DTNA: variants seen among roughly 807,000 people sequenced by gnomAD.
DTNA encodes dystrophin-related protein 3.
In DTNA, 43 loss-of-function variants were observed where a neutral mutation model predicts 100.7. That is an observed-to-expected ratio of 0.43 (90% confidence interval 0.33 to 0.55). The LOEUF is 0.55. Among genes scored for constraint, DTNA ranks in the 20% least tolerant of loss-of-function variants. The probability of loss-of-function intolerance (pLI) is 0.04; values close to 1 mark genes in which losing one functional copy is unlikely to be tolerated. For synonymous variants in DTNA, 349 were observed against 347.9 expected, an observed-to-expected ratio of 1.00 and a Z score of -0.04; for missense variants, 798 against 953.9, an observed-to-expected ratio of 0.84 and a Z score of 2.15.
chr18:34,596,422 T>G (rs1242693133), intron 1 of DTNA, among the ~76,000 whole-genome samples: 1 of 152,132 alleles, frequency 6.6e-6, no homozygotes, highest in African/African-American at 2.4e-5. Flanking sequence ...TTTCAACATG[T>G]TGGCCAGGCT....
intron 1 of DTNA, among the ~76,000 whole-genome samples, chr18:34,586,563 C>A (rs1031185153): frequency 6.6e-6 from 1 of 152,106 alleles, no homozygotes; most frequent in Non-Finnish European, 1.5e-5. Flanking sequence ...AGACTCCATC[C>A]AGTTTGGCTA....
chr18:34,842,358 A>G (rs567754525), intron 13 of DTNA, among the ~76,000 whole-genome samples: 1 of 152,198 alleles, frequency 6.6e-6, no homozygotes, highest in African/African-American at 2.4e-5. Flanking sequence ...ACAATATTTT[A>G]TGCTTTGGGA....
chr18:34,879,882 G>A (rs572180391), intron 20 of DTNA, among the ~76,000 whole-genome samples, 163 bp downstream of exon 20: 15 of 152,020 alleles, frequency 9.9e-5, no homozygotes, highest in Non-Finnish European at 2.1e-4. Context: ...ATTTAAATTC[G>A]GCATTGTAAT....
intron 1 of DTNA, among the ~76,000 whole-genome samples, chr18:34,700,696 G>A (rs909834612): frequency 6.6e-6 from 1 of 152,130 alleles, no homozygotes; most frequent in Non-Finnish European, 1.5e-5. Flanking sequence ...AGCACTTCAG[G>A]TGTGCTTGCA....
At chr18:34,615,901 C>G (rs2055179143) in intron 1 of DTNA, among the ~76,000 whole-genome samples, 1 of 152,200 alleles carries the variant, frequency 6.6e-6, no homozygotes, top group African/African-American at 2.4e-5. Flanking sequence ...ATCCATGTTG[C>G]TGCTGAAGGC....
At chr18:34,787,050 G>A (rs926366515) in intron 3 of DTNA, among the ~76,000 whole-genome samples, 2 of 152,120 alleles carry the variant, frequency 1.3e-5, no homozygotes, top group Non-Finnish European at 2.9e-5. Context: ...CCTAAGAGAT[G>A]CAGCATTTCT....
intron 1 of DTNA, among the ~76,000 whole-genome samples, chr18:34,612,374 T>C (rs2054396169): frequency 6.6e-6 from 1 of 152,164 alleles, no homozygotes; most frequent in African/African-American, 2.4e-5. Context: ...CAGTGGGCGA[T>C]GGTGGCCAAG....
At chr18:34,518,849 A>G (rs1442574804) in intron 1 of DTNA, among the ~76,000 whole-genome samples, 1 of 151,910 alleles carries the variant, frequency 6.6e-6, no homozygotes, top group East Asian at 1.9e-4. Flanking sequence ...ACATATAGCA[A>G]TATTTTCAAA....
At chr18:34,581,621 G>GTTTT (rs760995588) in intron 1 of DTNA, among the ~76,000 whole-genome samples, 12 of 110,354 alleles carry the variant, frequency 1.1e-4, no homozygotes, top group African/African-American at 1.9e-4. Flanking sequence ...CCCCTAGTTA[G>GTTTT]TTTTTTTTTT....
At chr18:34,621,458 A>G (rs1035216727) in intron 1 of DTNA, among the ~76,000 whole-genome samples, 1 of 152,168 alleles carries the variant, frequency 6.6e-6, no homozygotes, top group African/African-American at 2.4e-5. Flanking sequence ...ATGAATGGAT[A>G]AATGTGGTAG....
intron 1 of DTNA, among the ~76,000 whole-genome samples, chr18:34,518,703 A>ATG (rs2041890379): frequency 4.4e-5 from 3 of 67,494 alleles, no homozygotes; most frequent in East Asian, 5.5e-4. Flanking sequence ...AATTTGGCAA[A>ATG]CGTGTGTGTG....
At chr18:34,883,132 CTTGT>C (rs1362667987) in intron 21 of DTNA, among the ~76,000 whole-genome samples, 1 of 152,134 alleles carries the variant, frequency 6.6e-6, no homozygotes, top group East Asian at 1.9e-4. Context: ...GTTCTACTAC[CTTGT>C]TTGTCTTCCT....
chr18:34,526,746 G>A (rs1290651972), intron 1 of DTNA, among the ~76,000 whole-genome samples: 1 of 152,070 alleles, frequency 6.6e-6, no homozygotes, highest in Non-Finnish European at 1.5e-5. Context: ...GTTTAAGAAT[G>A]CATGATTTGT....
intron 15 of DTNA, among the ~76,000 whole-genome samples, chr18:34,852,440 A>G (rs2096493057): frequency 6.6e-6 from 1 of 151,954 alleles, no homozygotes; most frequent in Non-Finnish European, 1.5e-5. Flanking sequence ...ACACAGATTG[A>G]CTCACAGTCT....
chr18:34,672,253 T>C (rs2076861967), intron 1 of DTNA, among the ~76,000 whole-genome samples: 1 of 152,182 alleles, frequency 6.6e-6, no homozygotes, highest in South Asian at 2.1e-4. Context: ...ATTGCCCTAC[T>C]TATATTCATA....
At chr18:34,648,795 A>T (rs2060131502) in intron 1 of DTNA, among the ~76,000 whole-genome samples, 1 of 152,242 alleles carries the variant, frequency 6.6e-6, no homozygotes, top group South Asian at 2.1e-4. Flanking sequence ...TTTGTCTTCA[A>T]GAAATAGATT....
At chr18:34,827,864 G>A (rs1742589407) in intron 10 of DTNA, among the ~76,000 whole-genome samples, 188 bp downstream of exon 10, 1 of 152,090 alleles carries the variant, frequency 6.6e-6, no homozygotes, top group African/African-American at 2.4e-5. Context: ...GGTGGCTTTG[G>A]GGATTAATGT....
At chr18:34,618,063 G>A (rs1207964230) in intron 1 of DTNA, among the ~76,000 whole-genome samples, 1 of 152,124 alleles carries the variant, frequency 6.6e-6, no homozygotes, top group Non-Finnish European at 1.5e-5. Context: ...AAATGTTAGA[G>A]CTGGGAGCAG....
At chr18:34,551,608 T>C (rs1314438158) in intron 1 of DTNA, among the ~76,000 whole-genome samples, 1 of 152,034 alleles carries the variant, frequency 6.6e-6, no homozygotes, top group African/African-American at 2.4e-5. Flanking sequence ...GAGGCTGAGG[T>C]CCCTAGCAGC....
Sources: gnomAD v4.1 joint callset for allele counts (sites outside exome capture counted in the v4.1 genomes callset) on GRCh38, gnomAD v4.1.1 for gene constraint, MANE v1.5 for transcripts, NCBI Gene and HGNC (gene_info 2026-07-23, HGNC 2026-07-21) for gene names.